Variants in DCT observed in about 807,000 individuals in gnomAD.
DCT encodes the protein L-dopachrome tautomerase.
A neutral mutation model predicts 53.0 loss-of-function variants in DCT; 47 were observed. That is an observed-to-expected ratio of 0.89 (90% confidence interval 0.70 to 1.13). The LOEUF is 1.13. Ranked by LOEUF, DCT falls within the 50% of genes most tolerant of loss-of-function variation. The pLI is 0.00. For synonymous variants in DCT, 244 were observed against 237.0 expected, an observed-to-expected ratio of 1.03 and a Z score of -0.27; for missense variants, 669 against 637.4, an observed-to-expected ratio of 1.05 and a Z score of -0.53.
At chr13:94,453,856 T>C (rs1224582169) in intron 6 of DCT, among the ~76,000 whole-genome samples, 1 of 152,208 alleles carries the variant, frequency 6.6e-6, no homozygotes, top group Non-Finnish European at 1.5e-5. Context: ...AAACCTCTTT[T>C]TCTCTATAAA....
intron 6 of DCT, chr13:94,452,559 A>G (rs767475583): frequency 1.3e-6 from 1 of 743,942 alleles, no homozygotes; most frequent in African/African-American, 1.7e-5. Context: ...CAAATTTCAA[A>G]TGCATTTTTT....
intron 4 of DCT, chr13:94,465,409 T>C (rs781165122): frequency 1.0e-4 from 34 of 330,552 alleles, no homozygotes; most frequent in Middle Eastern, 1.7e-3. Context: ...CTCAAAATGA[T>C]GGCCAAGCAT....
the DCT span, among the ~76,000 whole-genome samples, chr13:94,518,280 T>C: frequency 2.0e-5 from 3 of 152,272 alleles, no homozygotes; most frequent in South Asian, 6.2e-4. Flanking sequence ...CCACCCAAAA[T>C]TGATATCTGG....
At chr13:94,543,791 T>C in the DCT span, among the ~76,000 whole-genome samples, 1 of 152,158 alleles carries the variant, frequency 6.6e-6, no homozygotes, top group African/African-American at 2.4e-5. Context: ...TCCCAGCACT[T>C]TGAGAGGCCA....
the DCT span, among the ~76,000 whole-genome samples, chr13:94,522,125 T>A: frequency 6.6e-6 from 1 of 152,236 alleles, no homozygotes; most frequent in African/African-American, 2.4e-5. Context: ...TAATTAATAC[T>A]GTCAACTTGA....
chr13:94,469,025 A>C lies in DCT; in HGVS notation c.316T>G (p.Cys106Gly). Residue 106 changes from cysteine (C) to glycine (G), a missense_variant, in exon 2 of 8, where the codon TGT becomes GGT. Cys to Gly is a radical substitution (Grantham distance 159, BLOSUM62 -3). Transcript: ENST00000377028. ...KCTGNFAGYN[C>G]GDCKFGWTGP... ...GTCCAGCCAAACTTGCAGTCTCCAC[A>C]ATTATAGCCGGCAAAGTTTCCTAGT... 1 of 1,612,654 alleles carries C rather than the reference A, an allele frequency of 6.2e-7. No individual in the cohort carries two copies. Among genetic ancestry groups the C allele is most frequent in the Non-Finnish European group, 8.5e-7 (1 of 1,178,666 alleles).
At chr13:94,505,140 C>G in the DCT span, among the ~76,000 whole-genome samples, 1 of 151,196 alleles carries the variant, frequency 6.6e-6, no homozygotes, top group Non-Finnish European at 1.5e-5. Flanking sequence ...CAGAAATACT[C>G]TTTGTTATCC....
intron 7 of DCT, among the ~76,000 whole-genome samples, chr13:94,441,993 C>A (rs1485731858): frequency 1.3e-5 from 2 of 152,082 alleles, no homozygotes; most frequent in African/African-American, 4.8e-5. Flanking sequence ...TTCTCTACAC[C>A]CTCAGCAACA....
the DCT span, among the ~76,000 whole-genome samples, chr13:94,513,366 A>T: frequency 6.6e-6 from 1 of 152,234 alleles, no homozygotes; most frequent in Non-Finnish European, 1.5e-5. Context: ...GTAGAGCACA[A>T]GAATTTATCG....
At chr13:94,515,969 G>T in the DCT span, among the ~76,000 whole-genome samples, 2 of 152,160 alleles carry the variant, frequency 1.3e-5, no homozygotes, top group Admixed American at 1.3e-4. Context: ...ATGCAGAAAA[G>T]TGAGAAAGAA....
At chr13:94,538,351 C>T in the DCT span, among the ~76,000 whole-genome samples, 14 of 152,284 alleles carry the variant, frequency 9.2e-5, no homozygotes, top group South Asian at 2.3e-3. Context: ...AGAAGAGTTA[C>T]GGAACTTCTG....
chr13:94,513,816 G>A, the DCT span, among the ~76,000 whole-genome samples: 2 of 151,776 alleles, frequency 1.3e-5, no homozygotes, highest in South Asian at 2.1e-4. Flanking sequence ...GTGAAATCTC[G>A]TCTCTGCTAA....
chr13:94,502,929 T>C, the DCT span, among the ~76,000 whole-genome samples: 1 of 152,132 alleles, frequency 6.6e-6, no homozygotes, highest in Admixed American at 6.5e-5. Flanking sequence ...TCAGGCTCAT[T>C]GCAAGGAAAA....
chr13:94,453,410 T>C (rs531141090), intron 6 of DCT, among the ~76,000 whole-genome samples: 3 of 152,310 alleles, frequency 2.0e-5, no homozygotes, highest in African/African-American at 2.4e-5. Flanking sequence ...TTATAAATAA[T>C]ATAAAAATCA....
intron 1 of DCT, among the ~76,000 whole-genome samples, chr13:94,470,167 T>G (rs1884551323): frequency 6.6e-6 from 1 of 152,006 alleles, no homozygotes; most frequent in Non-Finnish European, 1.5e-5. Flanking sequence ...TTCTAGGAAT[T>G]TAGAAGAAAT....
chr13:94,465,897 C>G (rs1566840207), intron 3 of DCT, 98 bp from the exon 4 acceptor site: 1 of 809,088 alleles, frequency 1.2e-6, no homozygotes, highest in African/African-American at 1.8e-5. Context: ...AACCAAATAT[C>G]TACCAAGACA....
intron 6 of DCT, among the ~76,000 whole-genome samples, chr13:94,451,367 T>C (rs1883077085): frequency 6.6e-6 from 1 of 152,212 alleles, no homozygotes; most frequent in South Asian, 2.1e-4. Flanking sequence ...CTTAATTTCC[T>C]CAGCTATAGT....
the DCT span, among the ~76,000 whole-genome samples, chr13:94,503,011 G>A: frequency 6.6e-6 from 1 of 152,158 alleles, no homozygotes; most frequent in African/African-American, 2.4e-5. Flanking sequence ...AATAATGTCT[G>A]CCAAAATGAT....
At chr13:94,484,278 G>C (rs981847484), upstream of DCT, among the ~76,000 whole-genome samples, 1 of 152,190 alleles carries the variant, frequency 6.6e-6, no homozygotes, top group African/African-American at 2.4e-5. Flanking sequence ...GCAAGTCCGC[G>C]GGCAAGACAG....
Sources: allele counts gnomAD v4.1 joint callset (sites outside exome capture counted in the v4.1 genomes callset), GRCh38; gene constraint gnomAD v4.1.1; transcripts MANE v1.5; gene names NCBI Gene and HGNC (gene_info 2026-07-23, HGNC 2026-07-21).